The following COL27A1 variants were observed in gnomAD, a reference collection of about 807,000 sequenced individuals.
COL27A1 encodes collagen type XXVII alpha 1 chain, also known as collagen alpha-1(XXVII) chain.
Under a neutral mutation model 251.3 loss-of-function variants are expected in COL27A1, and 106 were observed. That is an observed-to-expected ratio of 0.42 (90% CI 0.36 to 0.50). COL27A1 has a LOEUF of 0.50. Ranked by LOEUF, COL27A1 falls within the 20% of genes least tolerant of loss-of-function variation. The pLI is 0.00. For synonymous variants in COL27A1, 1,000 were observed against 986.3 expected (o/e 1.01, Z -0.26); for missense variants, 2,325 against 2,522.8 (o/e 0.92, Z 1.68).
intron 32 of COL27A1, among the ~76,000 whole-genome samples, chr9:114,265,931 C>A (rs1834712236): frequency 6.6e-6 from 1 of 152,152 alleles, no homozygotes; most frequent in Non-Finnish European, 1.5e-5. Context: ...GCTTTTTATC[C>A]CAAGGGCAAC....
In COL27A1 at chr9:114,286,204, G is replaced by A. The variant is rs1195422320; in HGVS notation, c.3987+1427G>A. On this transcript the variant is annotated intron_variant, in intron 41 of 60. Coordinates refer to ENST00000356083, the MANE Select transcript of COL27A1 (RefSeq NM_032888.4). ...TGAACAGCCACCCCGCAAGCTGGAC[G>A]GTGCTAGGGAGGAGAGAGCAGCTTC... is the stretch of plus-strand genomic sequence containing the variant. 5.3e-5 allele frequency among the ~76,000 whole-genome samples: 8 copies of A among 152,296 alleles called. No individual in the cohort carries two copies. The East Asian group carries it at 7.7e-4, about 15-fold the overall frequency.
Position 114,250,638 on chromosome 9 carries a change from G to A in COL27A1, c.3003G>A (p.Leu1001=). Residue 1001 remains leucine (L), a synonymous_variant, in exon 25 of 61, where the codon CTG becomes CTA. Coordinates refer to ENST00000356083, the MANE Select transcript of COL27A1 (RefSeq NM_032888.4). ...AGGGATTTATGGGATTCATTGGTCT[G>A]GTCGGGGAGCCAGGAATCGTGGGAG... ...GEQGFMGFIG[L]VGEPGIVGEK... is the part of the protein sequence containing the mutation. 6.2e-7 allele frequency: 1 copy of A among 1,612,250 alleles called. No homozygotes were observed. The highest frequency in any genetic ancestry group is 1.7e-5 in the Admixed American group (1 of 59,986).
In COL27A1 at chr9:114,250,162, C is replaced by T. The variant is rs571785881; in HGVS notation, c.2980-453C>T. On this transcript the variant is annotated intron_variant, in intron 24 of 60. Coordinates refer to ENST00000356083, the MANE Select transcript of COL27A1 (RefSeq NM_032888.4). ...GACAGTAAAGAGGCCTCCGCCTCCC[C>T]GATTCCAATCAGTTCTCTTGGCGGA... Among the ~76,000 whole-genome samples the T allele has an allele frequency of 5.9e-5, 9 of 152,360 alleles. No individual in the cohort carries two copies. In the East Asian group the frequency reaches 1.2e-3, roughly 20 times the overall value.
intron 28 of COL27A1, 38 bp from the exon 29 acceptor site, chr9:114,264,317 C>G (rs1163107980): frequency 6.5e-6 from 10 of 1,529,154 alleles, no homozygotes; most frequent in African/African-American, 1.4e-5. Flanking sequence ...AGGGAGACCC[C>G]TGCTGTCCGG....
intron 59 of COL27A1, among the ~76,000 whole-genome samples, chr9:114,308,189 C>T (rs913647835): frequency 3.9e-5 from 6 of 152,348 alleles, no homozygotes; most frequent in South Asian, 2.1e-4. Flanking sequence ...CTGCGTACCA[C>T]GTGCCTGTTT....
chr9:114,180,736 C>A (rs531227352), intron 4 of COL27A1, among the ~76,000 whole-genome samples: 2 of 152,324 alleles, frequency 1.3e-5, no homozygotes, highest in South Asian at 2.1e-4. Context: ...GAGCCTCCCC[C>A]ACCTGGCTTT....
At chr9:114,287,032 G>A (rs945746253) in intron 41 of COL27A1, among the ~76,000 whole-genome samples, 6 of 152,190 alleles carry the variant, frequency 3.9e-5, no homozygotes, top group Non-Finnish European at 5.9e-5. Context: ...TATCCACAGT[G>A]GGACTTGAGC....
chr9:114,265,703 G>T (rs886683227), intron 32 of COL27A1, among the ~76,000 whole-genome samples: 1 of 152,226 alleles, frequency 6.6e-6, no homozygotes, highest in Admixed American at 6.5e-5. Context: ...GGGGGTGATT[G>T]TCTCTGCCTT....
At chr9:114,223,138 G>T (rs1306267877) in intron 14 of COL27A1, among the ~76,000 whole-genome samples, 1 of 152,124 alleles carries the variant, frequency 6.6e-6, no homozygotes, top group East Asian at 1.9e-4. Context: ...GGGCCCAGCC[G>T]CAGGGGCCAG....
intron 7 of COL27A1, among the ~76,000 whole-genome samples, chr9:114,202,719 C>T (rs1829663067): frequency 6.6e-6 from 1 of 152,138 alleles, no homozygotes; most frequent in Admixed American, 6.5e-5. Context: ...GCATTCTTGC[C>T]TCAGGGCCTT....
chr9:114,167,645 A>G, intron 2 of COL27A1, 44 bp from the exon 3 acceptor site: 1 of 1,533,426 alleles, frequency 6.5e-7, no homozygotes, highest in South Asian at 1.2e-5. Flanking sequence ...GGTGGGCTGG[A>G]GCAGGCCCTG....
intron 37 of COL27A1, among the ~76,000 whole-genome samples, chr9:114,281,377 C>T (rs951259373): frequency 3.1e-4 from 47 of 152,370 alleles, no homozygotes; most frequent in African/African-American, 1.1e-3. Context: ...GTTTCTCTGA[C>T]AACTGTGGAC....
At chr9:114,257,576 T>A (rs947703558) in intron 27 of COL27A1, among the ~76,000 whole-genome samples, 1 of 151,620 alleles carries the variant, frequency 6.6e-6, no homozygotes, top group African/African-American at 2.4e-5. Flanking sequence ...GCCCCTCTTG[T>A]CGTCTGTTCA....
At chr9:114,181,332 A>G (rs1476476951) in intron 4 of COL27A1, among the ~76,000 whole-genome samples, 1 of 152,160 alleles carries the variant, frequency 6.6e-6, no homozygotes, top group African/African-American at 2.4e-5. Context: ...CCCCAGGCTC[A>G]GTGTGCTCTG....
upstream of COL27A1, chr9:114,155,515 C>T (rs1307330216): frequency 6.6e-6 from 1 of 152,130 alleles, no homozygotes; most frequent in Non-Finnish European, 1.5e-5. This position sits in a 1 kb window ranked among gnomAD's most constrained non-coding sequence, Gnocchi z 5.5. Flanking sequence ...CTTTAAATCG[C>T]CTTCATTTCC....
chr9:114,194,318 G>A (rs1828956403), intron 5 of COL27A1, 86 bp from the exon 6 acceptor site: 1 of 1,307,330 alleles, frequency 7.6e-7, no homozygotes. Flanking sequence ...TTAAGCAAGG[G>A]AGCAGGGCTT....
intron 10 of COL27A1, 90 bp from the exon 11 acceptor site, chr9:114,209,585 T>G: frequency 8.5e-7 from 1 of 1,173,566 alleles, no homozygotes; most frequent in Non-Finnish European, 1.3e-6. Context: ...AGCCGGGATG[T>G]GGGATGGCAG....
chr9:114,266,019 G>C (rs146842478), intron 32 of COL27A1, among the ~76,000 whole-genome samples: 604 of 152,292 alleles, frequency 4.0e-3, no homozygotes, highest in Non-Finnish European at 5.3e-3. Flanking sequence ...GGACAGGTGT[G>C]GGGGGACAGT....
intron 54 of COL27A1, 48 bp from the exon 55 acceptor site, chr9:114,301,634 T>G: frequency 6.4e-7 from 1 of 1,569,892 alleles, no homozygotes; most frequent in South Asian, 1.2e-5. Context: ...TGGGGAGAGA[T>G]GAAGACCCTG....
Sources: gnomAD v4.1 joint callset for allele counts (sites outside exome capture counted in the v4.1 genomes callset) on GRCh38, gnomAD v4.1.1 for gene constraint, Gnocchi (gnomAD v3.1) non-coding constraint, MANE v1.5 for transcripts, NCBI Gene and HGNC (gene_info 2026-07-23, HGNC 2026-07-21) for gene names.